Variants in ATP1A2 observed in about 807,000 individuals in gnomAD.
The protein encoded by ATP1A2 is ATPase Na+/K+ transporting subunit alpha 2.
A neutral mutation model predicts 113.1 loss-of-function variants in ATP1A2; 56 were observed. The ratio of observed to expected loss-of-function variants is 0.49; its 90% CI spans 0.40 to 0.62. ATP1A2 has a LOEUF of 0.62. ATP1A2 is among the 20% of genes least tolerant of loss of function. The probability of loss-of-function intolerance (pLI) is 0.00; values close to 1 mark genes in which losing one functional copy is unlikely to be tolerated. For missense variants in ATP1A2, 712 were observed against 1,357.8 expected, an observed-to-expected ratio of 0.52 and a Z score of 7.47; for synonymous variants, 490 against 526.8, an observed-to-expected ratio of 0.93 and a Z score of 0.96.
rs1391181719 is a variant in ATP1A2, at chr1:160,135,438, C to A, written c.2120C>A (p.Ala707Asp). 8.7e-6 allele frequency: 14 copies of A among 1,614,068 alleles called. No homozygotes were observed. The highest frequency in any genetic ancestry group is 5.0e-5 in the Admixed American group (3 of 59,998). Reference protein sequence around the residue: ...IIVEGCQRQGAIVAVTGDGVN... With the variant: ...IIVEGCQRQGDIVAVTGDGVN... Reference sequence around the variant, plus strand: ...GTGTGGCCGTCTTCCCTCCAGGGAGCCATTGTGGCCGTGACGGGTGACGGG... The same window carrying A: ...GTGTGGCCGTCTTCCCTCCAGGGAGACATTGTGGCCGTGACGGGTGACGGG... Residue 707 changes from alanine (A) to aspartate (D), a missense_variant, in exon 16 of 23, where the codon GCC becomes GAC. Ala to Asp is a moderately radical substitution (Grantham distance 126). Coordinates refer to ENST00000361216, the MANE Select transcript of ATP1A2 (RefSeq NM_000702.4). This position sits in a 1 kb window ranked among gnomAD's most constrained non-coding sequence, Gnocchi z 6.3.
intron 20 of ATP1A2, among the ~76,000 whole-genome samples, chr1:160,137,588 G>A (rs1002099720): frequency 1.3e-5 from 2 of 152,130 alleles, no homozygotes; most frequent in African/African-American, 4.8e-5. Context: ...TGTGCCCAAG[G>A]TCACCAAGAT....
Position 160,136,561 on chromosome 1 carries a change from T to C in ATP1A2, c.2564-9T>C, listed in dbSNP as rs1458537755. ...GACCCTGCCCCTGCCTTTGGCCCTC[T>C]ACCCACAGGGATGATCCAGGCACTG... On this transcript the variant is annotated splice_polypyrimidine_tract_variant and intron_variant, in intron 18 of 22. Coordinates refer to ENST00000361216, the MANE Select transcript of ATP1A2 (RefSeq NM_000702.4). The C allele has an allele frequency of 6.2e-7, 1 of 1,614,224 alleles. No individual in the cohort carries two copies. The highest frequency in any genetic ancestry group is 2.2e-5 in the East Asian group (1 of 44,886).
chr1:160,123,807 T>C (rs1651498299), intron 4 of ATP1A2, 136 bp from the exon 5 acceptor site: 1 of 821,534 alleles, frequency 1.2e-6, no homozygotes, highest in South Asian at 1.5e-5. Flanking sequence ...GGCTTTCCCC[T>C]ACCATCATCA....
At chr1:160,139,547 C>A in intron 20 of ATP1A2, 93 bp from the exon 21 acceptor site, 2 of 1,052,074 alleles carry the variant, frequency 1.9e-6, no homozygotes, top group Admixed American at 1.7e-5. Flanking sequence ...GTTTAGAATT[C>A]TCTCTCCTCT....
rs765507528 is a variant in ATP1A2, at chr1:160,139,962, C to T, written c.3012C>T (p.Leu1004=). The change falls in exon 22 of 23, where the codon CTC becomes CTT. Residue 1004 remains leucine, a synonymous_variant. Transcript: ENST00000361216. ...TCATCTATGATGAGGTCCGAAAGCT[C>T]ATCCTGCGGCGGTATCCTGGTGGTA... ...LIFIYDEVRK[L]ILRRYPGGWV... The T allele has an allele frequency of 1.2e-6, 2 of 1,613,934 alleles. No individual in the cohort carries two copies. The highest frequency in any genetic ancestry group is 1.3e-5 in the African/African-American group (1 of 74,898).
At chr1:160,118,535 A>C (rs1425693789) in intron 1 of ATP1A2, among the ~76,000 whole-genome samples, 2 of 152,076 alleles carry the variant, frequency 1.3e-5, no homozygotes, top group African/African-American at 4.8e-5. Context: ...AACCACTCAC[A>C]AGCCTTTCCC....
intron 1 of ATP1A2, among the ~76,000 whole-genome samples, chr1:160,117,938 T>C (rs1452590588): frequency 6.7e-6 from 1 of 150,316 alleles, no homozygotes; most frequent in Non-Finnish European, 1.5e-5. Flanking sequence ...GGACTTGTGG[T>C]TGGGGGAGGG....
At chr1:160,134,380 C>T (rs979283837) in intron 13 of ATP1A2, 104 bp from the exon 14 acceptor site, 18 of 1,553,424 alleles carry the variant, frequency 1.2e-5, no homozygotes, top group Admixed American at 7.1e-5. Flanking sequence ...GATCTGCCAT[C>T]CCCAGACATC....
chr1:160,125,149 C>A lies in ATP1A2; in HGVS notation c.644C>A (p.Ser215Tyr). 2 of 1,614,138 alleles carry A rather than the reference C, an allele frequency of 1.2e-6. No homozygotes were observed. The highest frequency in any genetic ancestry group is 1.7e-6 in the Non-Finnish European group (2 of 1,180,020). ...CTTCCTCCTCAGGTGGATAACTCATCCTTAACAGGAGAGTCGGAGCCCCAG... is the reference window on the plus strand; with the variant it reads ...CTTCCTCCTCAGGTGGATAACTCATACTTAACAGGAGAGTCGGAGCCCCAG... Reference protein sequence around the residue: ...SSHGCKVDNSSLTGESEPQTR... With the variant: ...SSHGCKVDNSYLTGESEPQTR... The change falls in exon 7 of 23, where the codon TCC becomes TAC. Residue 215 changes from serine (S) to tyrosine (Y), a missense_variant. By Grantham distance (144) the Ser-to-Tyr change is moderately radical (BLOSUM62 -2). Transcript: ENST00000361216.
rs550512420 is a variant in ATP1A2 at position 160,136,487 on chromosome 1, A to T, written c.2564-83A>T. On this transcript the variant is annotated intron_variant, in intron 18 of 22. Coordinates refer to ENST00000361216, the MANE Select transcript of ATP1A2 (RefSeq NM_000702.4). ...GAGGCCAGCTACCCAAGGGTCAGGG[A>T]CCTCCATCTCTGGCCCTGAGGGGCT... 9.0e-5 allele frequency: 144 copies of T among 1,597,008 alleles called. No homozygotes were observed. In the African/African-American group the frequency reaches 1.7e-3, roughly 19 times the overall value.
chr1:160,122,637 A>T (rs1651450831), intron 3 of ATP1A2, among the ~76,000 whole-genome samples: 1 of 152,170 alleles, frequency 6.6e-6, no homozygotes, highest in African/African-American at 2.4e-5. Context: ...GGTGATTGCC[A>T]AAGTTGTGTG....
At chr1:160,119,436 C>A (rs1651303789) in intron 1 of ATP1A2, among the ~76,000 whole-genome samples, 1 of 152,088 alleles carries the variant, frequency 6.6e-6, no homozygotes, top group Admixed American at 6.6e-5. Flanking sequence ...AACTGAGCAG[C>A]CCCTCTATGA....
intron 13 of ATP1A2, among the ~76,000 whole-genome samples, chr1:160,133,010 G>T (rs892661221): frequency 2.0e-5 from 3 of 151,934 alleles, no homozygotes; most frequent in Admixed American, 6.6e-5. Flanking sequence ...TCTGCATTGT[G>T]CTGAGACCTC....
Position 160,141,360 on chromosome 1 carries a change from A to G in ATP1A2, c.*38A>G. 1 of 1,612,450 alleles carries G rather than the reference A, an allele frequency of 6.2e-7. No homozygotes were observed. The highest frequency in any genetic ancestry group is 8.5e-7 in the Non-Finnish European group (1 of 1,178,480). ...AAGAACCAGGCATGGAAAGATGGGG[A>G]GCTCTGGAGGTGTTGTGGGGATGGT... On this transcript the variant is annotated 3_prime_UTR_variant, in exon 23 of 23. Transcript: ENST00000361216.
At chr1:160,125,795 A>C (rs1651568032) in intron 7 of ATP1A2, among the ~76,000 whole-genome samples, 1 of 152,182 alleles carries the variant, frequency 6.6e-6, no homozygotes, top group African/African-American at 2.4e-5. Flanking sequence ...TGCACAGACT[A>C]CCCAGTTTGC....
rs1180066538 is a variant in ATP1A2 at position 160,127,647 on chromosome 1, A to C, written c.844A>C (p.Ile282Leu). ...AGGCCTGGAGGTTGGGCGGACACCC[A>C]TAGCAATGGAGATTGAACACTTCAT... is the stretch of plus-strand genomic sequence containing the variant. ...ASGLEVGRTP[I>L]AMEIEHFIQL... is the part of the protein sequence containing the mutation. The change falls in exon 8 of 23, where the codon ATA becomes CTA. Residue 282 changes from isoleucine (I) to leucine (L), a missense_variant. By Grantham distance (5) the Ile-to-Leu change is conservative (BLOSUM62 2). This residue lies in a region of ATP1A2 where 99 missense variants were observed against 180.4 expected (regional missense o/e 0.55). Coordinates refer to ENST00000361216, the MANE Select transcript of ATP1A2 (RefSeq NM_000702.4). 6.2e-7 allele frequency: 1 copy of C among 1,614,252 alleles called. No homozygotes were observed. The highest frequency in any genetic ancestry group is 2.2e-5 in the East Asian group (1 of 44,892).
chr1:160,120,074 T>G (rs909123566), intron 1 of ATP1A2, among the ~76,000 whole-genome samples: 2 of 152,130 alleles, frequency 1.3e-5, no homozygotes, highest in Non-Finnish European at 2.9e-5. Flanking sequence ...ATGTCTAGAC[T>G]TAAAAACTAT....
In ATP1A2 at chr1:160,134,602, T is replaced by A; in HGVS notation, c.1946T>A (p.Met649Lys). Residue 649 changes from methionine (M) to lysine (K), a missense_variant, in exon 14 of 23, where the codon ATG becomes AAG. Transcript: ENST00000361216. ...EDIAARLNIP[M>K]SQVNPREAKA... ...ATTGCAGCCCGGCTCAACATTCCCATGAGTCAAGTCAACCCCAGGTGAGGC... is the reference window on the plus strand; with the variant it reads ...ATTGCAGCCCGGCTCAACATTCCCAAGAGTCAAGTCAACCCCAGGTGAGGC... 1.2e-6 allele frequency: 2 copies of A among 1,614,172 alleles called. No homozygotes were observed. Among genetic ancestry groups the A allele is most frequent in the Non-Finnish European group, 1.7e-6 (2 of 1,180,022 alleles).
At chr1:160,134,318 C>A (rs1651867175) in intron 13 of ATP1A2, among the ~76,000 whole-genome samples, 166 bp from the exon 14 acceptor site, 1 of 151,860 alleles carries the variant, frequency 6.6e-6, no homozygotes, top group South Asian at 2.1e-4. Flanking sequence ...CACCCCACCC[C>A]AGCCACTCCC....
Sources: gnomAD v4.1 joint callset for allele counts (sites outside exome capture counted in the v4.1 genomes callset) on GRCh38, gnomAD v4.1.1 for gene constraint, gnomAD v4.1.1 regional missense constraint, Gnocchi (gnomAD v3.1) non-coding constraint, MANE v1.5 for transcripts, NCBI Gene and HGNC (gene_info 2026-07-23, HGNC 2026-07-21) for gene names.